The following ATXN1 variants were observed in gnomAD, a reference collection of about 807,000 sequenced individuals.
The protein encoded by ATXN1 is ataxin-1.
In ATXN1, 8 loss-of-function variants were observed where a neutral mutation model predicts 56.4. The ratio of observed to expected loss-of-function variants is 0.14; its 90% CI spans 0.08 to 0.26. ATXN1 has a LOEUF of 0.26. ATXN1 is among the 10% of genes least tolerant of loss of function. The probability of loss-of-function intolerance (pLI) is 1.00; values close to 1 mark genes in which losing one functional copy is unlikely to be tolerated. For missense variants in ATXN1, 987 were observed against 1,106.5 expected (o/e 0.89, Z 1.53); for synonymous variants, 514 against 494.6 (o/e 1.04, Z -0.52).
intron 4 of ATXN1, among the ~76,000 whole-genome samples, chr6:16,560,349 A>G (rs780937710): frequency 5.3e-5 from 8 of 151,526 alleles, no homozygotes; most frequent in Admixed American, 2.6e-4. Flanking sequence ...AGAATCGTTT[A>G]AACGGGGAGG....
At chr6:16,429,298 A>T (rs1759226310) in intron 6 of ATXN1, among the ~76,000 whole-genome samples, 1 of 150,650 alleles carries the variant, frequency 6.6e-6, no homozygotes, top group African/African-American at 2.4e-5. Flanking sequence ...AGAGACCCCA[A>T]GTTTCTCACT....
intron 1 of ATXN1, among the ~76,000 whole-genome samples, chr6:16,759,972 C>A (rs530098081): frequency 6.6e-6 from 1 of 152,166 alleles, no homozygotes; most frequent in African/African-American, 2.4e-5. Flanking sequence ...CCTCGCCCCC[C>A]GCCCGGCGCG....
chr6:16,464,262 A>AGTGCTCT (rs2113630274), intron 6 of ATXN1, among the ~76,000 whole-genome samples: 2 of 152,322 alleles, frequency 1.3e-5, no homozygotes, highest in African/African-American at 4.8e-5. Flanking sequence ...TGCACCAATA[A>AGTGCTCT]GTGCTCTGTA....
At chr6:16,391,792 G>A (rs1758359677) in intron 6 of ATXN1, among the ~76,000 whole-genome samples, 1 of 152,152 alleles carries the variant, frequency 6.6e-6, no homozygotes, top group Non-Finnish European at 1.5e-5. Flanking sequence ...TGACTACAGG[G>A]CTTTGTTGTG....
chr6:16,516,346 T>C (rs188031416), intron 5 of ATXN1, among the ~76,000 whole-genome samples: 151 of 152,300 alleles, frequency 9.9e-4, no homozygotes, highest in African/African-American at 3.4e-3. Flanking sequence ...GTGTGCTGTG[T>C]GAGAGGACTG....
At chr6:16,433,955 C>G (rs1185032664) in intron 6 of ATXN1, among the ~76,000 whole-genome samples, 1 of 152,216 alleles carries the variant, frequency 6.6e-6, no homozygotes, top group Non-Finnish European at 1.5e-5. Context: ...AACAAGCACT[C>G]AGCAAACATG....
At chr6:16,643,413 G>A (rs573442915) in intron 3 of ATXN1, among the ~76,000 whole-genome samples, 2 of 152,130 alleles carry the variant, frequency 1.3e-5, no homozygotes, top group East Asian at 3.9e-4. Context: ...TAGACTGCTT[G>A]AGCCCAGGAG....
chr6:16,390,310 C>A (rs1218254662), intron 6 of ATXN1, among the ~76,000 whole-genome samples: 1 of 152,168 alleles, frequency 6.6e-6, no homozygotes, highest in Non-Finnish European at 1.5e-5. Flanking sequence ...TGTCCTATCA[C>A]CTTCCTGGCT....
chr6:16,467,522 T>C (rs1760131705), intron 6 of ATXN1, among the ~76,000 whole-genome samples: 1 of 152,156 alleles, frequency 6.6e-6, no homozygotes, highest in East Asian at 1.9e-4. Flanking sequence ...GGGAGCATTA[T>C]AGAAGAACAC....
intron 4 of ATXN1, among the ~76,000 whole-genome samples, chr6:16,530,556 T>C (rs1326168577): frequency 6.6e-6 from 1 of 152,152 alleles, no homozygotes; most frequent in Non-Finnish European, 1.5e-5. Flanking sequence ...ACAAAACGAC[T>C]ACCCCATCGT....
chr6:16,386,930 C>A (rs1015668854), intron 6 of ATXN1, among the ~76,000 whole-genome samples: 11 of 152,238 alleles, frequency 7.2e-5, no homozygotes, highest in African/African-American at 2.6e-4. Context: ...CCTCAGCCTC[C>A]CAAAGTGCTA....
intron 2 of ATXN1, among the ~76,000 whole-genome samples, chr6:16,679,518 C>A (rs1296158072): frequency 1.3e-5 from 2 of 152,086 alleles, no homozygotes; most frequent in Admixed American, 6.6e-5. Context: ...CGGTTAAGTT[C>A]AAAAGTTAAG....
intron 6 of ATXN1, among the ~76,000 whole-genome samples, chr6:16,408,816 C>G (rs937421271): frequency 1.3e-5 from 2 of 152,206 alleles, no homozygotes; most frequent in African/African-American, 4.8e-5. Context: ...TCTTAGCTCA[C>G]TGCAGCCTCA....
intron 2 of ATXN1, among the ~76,000 whole-genome samples, chr6:16,667,732 A>T (rs965718820): frequency 6.6e-6 from 1 of 152,224 alleles, no homozygotes; most frequent in Non-Finnish European, 1.5e-5. Context: ...AGTGCTTTCT[A>T]AACGCTTAAC....
chr6:16,664,552 G>A (rs1758387608), intron 2 of ATXN1, among the ~76,000 whole-genome samples: 1 of 152,124 alleles, frequency 6.6e-6, no homozygotes, highest in Non-Finnish European at 1.5e-5. Context: ...AAAGACTTTG[G>A]AGGGTCTCAT....
intron 2 of ATXN1, among the ~76,000 whole-genome samples, chr6:16,675,102 T>A (rs1758633523): frequency 6.6e-6 from 1 of 152,234 alleles, no homozygotes; most frequent in Admixed American, 6.5e-5. Flanking sequence ...AGCAGAGCTC[T>A]CTGAAGTCTA....
At chr6:16,689,590 A>C (rs1340915798) in intron 2 of ATXN1, among the ~76,000 whole-genome samples, 1 of 146,300 alleles carries the variant, frequency 6.8e-6, no homozygotes, top group African/African-American at 2.6e-5. Flanking sequence ...CCTGGGCTCA[A>C]GGGATCCTCC....
intron 4 of ATXN1, among the ~76,000 whole-genome samples, chr6:16,532,219 C>T (rs1324882211): frequency 6.6e-6 from 1 of 152,170 alleles, no homozygotes; most frequent in African/African-American, 2.4e-5. Context: ...AACTTCCTTC[C>T]TTTCCTCTAA....
intron 3 of ATXN1, among the ~76,000 whole-genome samples, chr6:16,606,942 A>G (rs1457519478): frequency 7.8e-6 from 1 of 128,782 alleles, no homozygotes. Flanking sequence ...GCTGGAGTAC[A>G]ATGGTGCGAT....
Sources: gnomAD v4.1 joint callset for allele counts (sites outside exome capture counted in the v4.1 genomes callset) on GRCh38, gnomAD v4.1.1 for gene constraint, MANE v1.5 for transcripts, NCBI Gene and HGNC (gene_info 2026-07-23, HGNC 2026-07-21) for gene names.